ZNF316: variants seen among roughly 807,000 people sequenced by gnomAD.
ZNF316 encodes the protein zinc finger protein 316.
In ZNF316, 23 loss-of-function variants were observed where a neutral mutation model predicts 75.6. The ratio of observed to expected loss-of-function variants is 0.30; its 90% confidence interval spans 0.22 to 0.43. The LOEUF (loss-of-function observed/expected upper bound fraction) is 0.43, where lower values mean the gene tolerates loss of function less well. Among genes scored for constraint, ZNF316 ranks in the 20% least tolerant of loss-of-function variants. ZNF316 has a pLI of 1.00. For synonymous variants in ZNF316, 827 were observed against 666.2 expected, an observed-to-expected ratio of 1.24 and a Z score of -3.72; for missense variants, 1,266 against 1,409.4, an observed-to-expected ratio of 0.90 and a Z score of 1.63.
Position 6,642,290 on chromosome 7 carries a change from C to T in ZNF316, c.-28-92C>T, listed in dbSNP as rs1779323297. On this transcript the variant is annotated intron_variant, in intron 4 of 8. Transcript: ENST00000382252. The surrounding 1 kb of genome is among the most constrained non-coding windows in gnomAD (Gnocchi z 8.1). Reference sequence around the variant, plus strand: ...CATAACAGGAGGAGTAAATCCTGCTCCCTGCGCCCCCGCCAGGCTGCGGGA... The same window carrying T: ...CATAACAGGAGGAGTAAATCCTGCTTCCTGCGCCCCCGCCAGGCTGCGGGA... 2 of 549,616 alleles carry T rather than the reference C, an allele frequency of 3.6e-6. No homozygotes were observed. The highest frequency in any genetic ancestry group is 1.9e-5 in the African/African-American group (1 of 51,398). The allele number at this position is 549,616 out of a possible 1,614,324, so 34.0% of individuals were successfully genotyped here.
In ZNF316 at chr7:6,653,586, G is replaced by T; in HGVS notation, c.1990G>T (p.Gly664Cys). 9.3e-7 allele frequency: 1 copy of T among 1,077,294 alleles called. No homozygotes were observed. The highest frequency in any genetic ancestry group is 4.4e-5 in the South Asian group (1 of 22,970). 66.7% of individuals were successfully genotyped at this position (1,077,294 alleles called of 1,614,324 possible). A position where few individuals can be genotyped will look rare whatever the true frequency, so the allele number is the denominator to read the frequency against. ...CGGCGGGGCCGCGGGCGGCGGAGGC[G>T]GCCTGCGCGCGTTCGGGCCCGCCAT... Reference protein sequence around the residue: ...GGGGAAGGGGGLRAFGPAIGG... With the variant: ...GGGGAAGGGGCLRAFGPAIGG... The change falls in exon 9 of 9, where the codon GGC becomes TGC. Residue 664 changes from glycine to cysteine, a missense_variant. Coordinates refer to ENST00000382252, the MANE Select transcript of ZNF316 (RefSeq NM_001278559.2).
chr7:6,653,005 C>T lies in ZNF316; in HGVS notation c.1409C>T (p.Ser470Leu). Reference sequence around the variant, plus strand: ...TGCGGCCGCAGCTTCAGCCAGAGCTCGGCGCTGGCACGGCACCAGGCGGTG... The same window carrying T: ...TGCGGCCGCAGCTTCAGCCAGAGCTTGGCGCTGGCACGGCACCAGGCGGTG... Reference protein sequence around the residue: ...SHCGRSFSQSSALARHQAVHT... With the variant: ...SHCGRSFSQSLALARHQAVHT... Residue 470 changes from serine (S) to leucine (L), a missense_variant, in exon 9 of 9, where the codon TCG (serine) becomes TTG (leucine). Physicochemically the swap from Ser to Leu is moderately radical, Grantham distance 145. This residue lies in a region of ZNF316 where 961 missense variants were observed against 990.9 expected (regional missense o/e 0.97). Coordinates refer to ENST00000382252, the MANE Select transcript of ZNF316 (RefSeq NM_001278559.2). 8.1e-7 allele frequency: 1 copy of T among 1,229,462 alleles called. No individual in the cohort carries two copies. Among genetic ancestry groups the T allele is most frequent in the African/African-American group, 1.6e-5 (1 of 64,272 alleles). The allele number at this position is 1,229,462 out of a possible 1,614,324, so 76.2% of individuals were successfully genotyped here.
In ZNF316 at chr7:6,639,978, G is replaced by A. The variant is rs146660535; in HGVS notation, c.-167+837G>A. On this transcript the variant is annotated intron_variant, in intron 3 of 8. Transcript: ENST00000382252. The surrounding 1 kb of genome is among the most constrained non-coding windows in gnomAD (Gnocchi z 4.2). The stretch of plus-strand genomic sequence containing the variant: ...GGGTGGCGCTCCCAGGCGTAGTTCT[G>A]TGACTTGAGTCTTTGGGGGTTAGTG... Among the ~76,000 whole-genome samples, 75 of 152,278 alleles carry A rather than the reference G, an allele frequency of 4.9e-4. No individual in the cohort carries two copies. In the East Asian group the frequency reaches 0.013, roughly 26 times the overall value.
Position 6,653,898 on chromosome 7 carries a change from G to A in ZNF316, c.2302G>A (p.Gly768Ser), listed in dbSNP as rs1243641894. The A allele has an allele frequency of 1.3e-5, 15 of 1,116,136 alleles. No homozygotes were observed. The highest frequency in any genetic ancestry group is 1.6e-5 in the Non-Finnish European group (15 of 914,306). 69.1% of individuals were successfully genotyped at this position (1,116,136 alleles called of 1,614,324 possible). Residue 768 changes from glycine to serine, a missense_variant, in exon 9 of 9, where the codon GGC becomes AGC. Transcript: ENST00000382252. The stretch of plus-strand genomic sequence containing the variant: ...CTCGCACTTGGCGGCGCACGTGCGC[G>A]GCCACACGGGCGAGAAGCCGTTCGT... Reference protein sequence around the residue: ...RGSHLAAHVRGHTGEKPFVCG... With the variant: ...RGSHLAAHVRSHTGEKPFVCG...
Position 6,655,076 on chromosome 7 carries a change from A to G in ZNF316, c.*465A>G, listed in dbSNP as rs1454850425. On this transcript the variant is annotated 3_prime_UTR_variant, in exon 9 of 9. Transcript: ENST00000382252. ...TGGGTTTGGCTGACCACTTCTTCCC[A>G]TTCCTCAGTGAGAGACTTGGGCCCT... 6.6e-6 allele frequency: 1 copy of G among 152,310 alleles called. No homozygotes were observed. The highest frequency in any genetic ancestry group is 2.4e-5 in the African/African-American group (1 of 41,406). 9.4% of individuals were successfully genotyped at this position (152,310 alleles called of 1,614,324 possible).
Position 6,656,747 on chromosome 7 carries a change from C to T in ZNF316, c.*2136C>T, listed in dbSNP as rs964575103. Reference sequence around the variant, plus strand: ...GAGGCCAGAGTGAGGGGCCAGGTACCCTTCGTGGTGGTCCAAACACATCCC... The same window carrying T: ...GAGGCCAGAGTGAGGGGCCAGGTACTCTTCGTGGTGGTCCAAACACATCCC... On this transcript the variant is annotated 3_prime_UTR_variant, in exon 9 of 9. Coordinates refer to ENST00000382252, the MANE Select transcript of ZNF316 (RefSeq NM_001278559.2). Among the ~76,000 whole-genome samples, 1 of 152,112 alleles carries T rather than the reference C, an allele frequency of 6.6e-6. No homozygotes were observed. The highest frequency in any genetic ancestry group is 1.9e-4 in the East Asian group (1 of 5,170).
At chr7:6,643,133 C>T (rs948055857) in intron 6 of ZNF316, 60 bp downstream of exon 6, 12 of 1,231,358 alleles carry the variant, frequency 9.7e-6, no homozygotes, top group Admixed American at 4.2e-5. Context: ...CCCGGGGCCT[C>T]GGCACCTGCT....
chr7:6,654,470 G>A lies in ZNF316; in HGVS notation c.2874G>A (p.Ala958=). 1 of 1,190,238 alleles carries A rather than the reference G, an allele frequency of 8.4e-7. No homozygotes were observed. The highest frequency in any genetic ancestry group is 1.0e-6 in the Non-Finnish European group (1 of 961,520). The allele number at this position is 1,190,238 out of a possible 1,614,324, so 73.7% of individuals were successfully genotyped here. Reference sequence around the variant, plus strand: ...CAGCCCCCGCGCCCAAGCCCGAGGCGGCCGCCAAGGGGCCGTCCAGTGCCG... The same window carrying A: ...CAGCCCCCGCGCCCAAGCCCGAGGCAGCCGCCAAGGGGCCGTCCAGTGCCG... ...SAPAPAPKPE[A]AAKGPSSAGP... The change falls in exon 9 of 9, where the codon GCG becomes GCA. Residue 958 remains alanine (A), a synonymous_variant. Transcript: ENST00000382252.
In ZNF316 at chr7:6,652,550, C is replaced by G; in HGVS notation, c.954C>G (p.Pro318=). The G allele has an allele frequency of 8.1e-7, 1 of 1,231,072 alleles. No homozygotes were observed. Among genetic ancestry groups the G allele is most frequent in the Non-Finnish European group, 1.0e-6 (1 of 987,462 alleles). 76.3% of individuals were successfully genotyped at this position (1,231,072 alleles called of 1,614,324 possible). A position where few individuals can be genotyped will look rare whatever the true frequency, so the allele number is the denominator to read the frequency against. Residue 318 remains proline, a synonymous_variant, in exon 9 of 9, where the codon CCC becomes CCG. Coordinates refer to ENST00000382252, the MANE Select transcript of ZNF316 (RefSeq NM_001278559.2). ...ADGSEAKPFL[P]GREPGANLLS... is the part of the protein sequence containing the mutation. ...GCTCTGAAGCGAAGCCTTTCCTGCC[C>G]GGCCGGGAGCCGGGTGCGAACCTGC...
Position 6,653,822 on chromosome 7 carries a change from C to T in ZNF316, c.2226C>T (p.Thr742=), listed in dbSNP as rs1224125964. Residue 742 remains threonine (T), a synonymous_variant, in exon 9 of 9, where the codon ACC becomes ACT. Coordinates refer to ENST00000382252, the MANE Select transcript of ZNF316 (RefSeq NM_001278559.2). ...SHLARHRRTH[T]GERPFPCPEC... ...TGGCGCGCCACCGGCGCACACACAC[C>T]GGCGAGCGGCCCTTCCCGTGCCCCG... The T allele has an allele frequency of 1.8e-4, 189 of 1,078,160 alleles. No homozygotes were observed. The East Asian group carries it at 8.0e-3, about 46-fold the overall frequency. 66.8% of individuals were successfully genotyped at this position (1,078,160 alleles called of 1,614,324 possible).
chr7:6,643,357 C>T (rs1427113357), intron 6 of ZNF316, among the ~76,000 whole-genome samples: 1 of 152,342 alleles, frequency 6.6e-6, no homozygotes, highest in Non-Finnish European at 1.5e-5. Flanking sequence ...CTGGCTCTCC[C>T]CCAAGGCTGG....
rs527903972 is a variant in ZNF316, at chr7:6,653,711, G to A, written c.2115G>A (p.Ala705=). The A allele has an allele frequency of 9.8e-4, 1,079 of 1,097,380 alleles. No homozygotes were observed. The highest frequency in any genetic ancestry group is 2.8e-3 in the Middle Eastern group (7 of 2,480). 68.0% of individuals were successfully genotyped at this position (1,097,380 alleles called of 1,614,324 possible). A position where few individuals can be genotyped will look rare whatever the true frequency, so the allele number is the denominator to read the frequency against. ...GCAAGACGTTTGGGCGCCGGGCCGC[G>A]CTGGCCAAGCACCAGCGCTACCACG... The part of the protein sequence containing the change: ...DCGKTFGRRA[A]LAKHQRYHAG... The change falls in exon 9 of 9, where the codon GCG becomes GCA. Residue 705 remains alanine, a synonymous_variant. Transcript: ENST00000382252.
At position 6,653,447 on chromosome 7, in the gene ZNF316, C is replaced by G; in HGVS notation, c.1851C>G (p.Gly617=). 7.3e-6 allele frequency: 9 copies of G among 1,227,934 alleles called. No homozygotes were observed. The highest frequency in any genetic ancestry group is 9.1e-6 in the Non-Finnish European group (9 of 985,836). 76.1% of individuals were successfully genotyped at this position (1,227,934 alleles called of 1,614,324 possible). Residue 617 remains glycine (G), a synonymous_variant, in exon 9 of 9, where the codon GGC becomes GGG. Transcript: ENST00000382252. ...WLHPDSFPIL[G]LPDFRERLPV... is the part of the protein sequence containing the mutation. Reference sequence around the variant, plus strand: ...ACCCGGACAGCTTCCCGATCCTGGGCCTACCCGACTTCCGAGAGCGGCTGC... The same window carrying G: ...ACCCGGACAGCTTCCCGATCCTGGGGCTACCCGACTTCCGAGAGCGGCTGC...
chr7:6,646,730 C>T (rs777956430), intron 8 of ZNF316, among the ~76,000 whole-genome samples: 3 of 152,062 alleles, frequency 2.0e-5, no homozygotes, highest in Non-Finnish European at 2.9e-5. Context: ...CCCTGCCTCC[C>T]CTGCATTCAT....
chr7:6,651,332 G>A (rs909825550), intron 8 of ZNF316, among the ~76,000 whole-genome samples: 11 of 148,680 alleles, frequency 7.4e-5, no homozygotes, highest in African/African-American at 2.5e-4. Flanking sequence ...CCTGGGCAAC[G>A]AGCTCAATTC....
chr7:6,645,757 A>T (rs868625106), intron 8 of ZNF316, among the ~76,000 whole-genome samples: 1 of 151,904 alleles, frequency 6.6e-6, no homozygotes, highest in Middle Eastern at 3.4e-3. Context: ...GCACTTTGGG[A>T]GGCCAAGGTG....
Position 6,654,608 on chromosome 7 carries a change from G to T in ZNF316, c.3012G>T (p.Leu1004=). 1 of 1,185,802 alleles carries T rather than the reference G, an allele frequency of 8.4e-7. No individual in the cohort carries two copies. The highest frequency in any genetic ancestry group is 1.0e-6 in the Non-Finnish European group (1 of 958,340). 73.5% of individuals were successfully genotyped at this position (1,185,802 alleles called of 1,614,324 possible). A position where few individuals can be genotyped will look rare whatever the true frequency, so the allele number is the denominator to read the frequency against. ...GPSGAYREGV[L] is the part of the protein sequence containing the mutation. Reference sequence around the variant, plus strand: ...CGGGCGCCTACCGGGAGGGCGTCCTGTGAGGGGCCCGGGGCCGACAGCAGC... The same window carrying T: ...CGGGCGCCTACCGGGAGGGCGTCCTTTGAGGGGCCCGGGGCCGACAGCAGC... Residue 1004 remains leucine, a synonymous_variant, in exon 9 of 9, where the codon CTG becomes CTT. Transcript: ENST00000382252.
In ZNF316 at chr7:6,647,562, A is replaced by G. The variant is rs116624371; in HGVS notation, c.706+2969A>G. 6.8e-3 allele frequency among the ~76,000 whole-genome samples: 1,040 copies of G among 152,248 alleles called. 10 individuals are homozygous for G. The highest frequency in any genetic ancestry group is 0.024 in the African/African-American group (987 of 41,550). On this transcript the variant is annotated intron_variant, in intron 8 of 8. Transcript: ENST00000382252. ...AGGGGAGGGAGCAGGTGTTGGCTTC[A>G]CTCGGAACTGACTTCCACAGCCTGC...
intron 8 of ZNF316, among the ~76,000 whole-genome samples, chr7:6,647,497 G>C (rs1197515814): frequency 6.6e-6 from 1 of 152,262 alleles, no homozygotes; most frequent in Non-Finnish European, 1.5e-5. Flanking sequence ...AGGCCATCTG[G>C]AGTTTGTGTC....
Sources: allele counts gnomAD v4.1 joint callset (sites outside exome capture counted in the v4.1 genomes callset), GRCh38; gene constraint gnomAD v4.1.1; regional missense constraint gnomAD v4.1.1; non-coding constraint Gnocchi (gnomAD v3.1); transcripts MANE v1.5; gene names NCBI Gene and HGNC (gene_info 2026-07-23, HGNC 2026-07-21).